The following FSIP2 variants were observed in gnomAD, a reference collection of about 807,000 sequenced individuals.
FSIP2 encodes fibrous sheath-interacting protein 2.
FSIP2 carries 367 observed loss-of-function variants against 510.5 expected under a neutral mutation model. The observed-to-expected ratio is 0.72, with a 90% CI of 0.66 to 0.78. The LOEUF (loss-of-function observed/expected upper bound fraction) is 0.78, where lower values mean the gene tolerates loss of function less well. Among genes scored for constraint, FSIP2 ranks in the 30% least tolerant of loss-of-function variants. The pLI, the probability that FSIP2 is intolerant of heterozygous loss-of-function variation, is 0.00. For missense variants in FSIP2, 7,594 were observed against 7,901.7 expected, an observed-to-expected ratio of 0.96 and a Z score of 1.48; for synonymous variants, 2,601 against 2,732.2, an observed-to-expected ratio of 0.95 and a Z score of 1.50.
chr2:185,791,764 G>T lies in FSIP2; in HGVS notation c.4628G>T (p.Arg1543Ile). ...STKIISSIVS[R>I]RVQEDNKEET... ...AAAATAATCTCCAGCATAGTTTCCA[G>T]AAGGGTTCAGGAGGACAATAAAGAA... is the stretch of plus-strand genomic sequence containing the variant. Residue 1543 changes from arginine (R) to isoleucine (I), a missense_variant, in exon 16 of 23, where the codon AGA becomes ATA. Arg to Ile is a moderately conservative substitution (Grantham distance 97, BLOSUM62 -3). Coordinates refer to ENST00000424728, the MANE Select transcript of FSIP2 (RefSeq NM_173651.4). 6.5e-7 allele frequency: 1 copy of T among 1,534,566 alleles called. No individual in the cohort carries two copies. The highest frequency in any genetic ancestry group is 2.4e-5 in the East Asian group (1 of 40,842).
intron 7 of FSIP2, among the ~76,000 whole-genome samples, chr2:185,751,066 G>A (rs1179749023): frequency 3.3e-5 from 5 of 151,252 alleles, no homozygotes; most frequent in Non-Finnish European, 7.4e-5. Context: ...ACTGTTGTTG[G>A]GTGAAGTATT....
Position 185,803,218 on chromosome 2 carries a change from G to T in FSIP2, c.13912G>T (p.Val4638Leu). 1.3e-6 allele frequency: 2 copies of T among 1,531,814 alleles called. No individual in the cohort carries two copies. Among genetic ancestry groups the T allele is most frequent in the Non-Finnish European group, 1.7e-6 (2 of 1,144,534 alleles). 94.9% of individuals were successfully genotyped at this position (1,531,814 alleles called of 1,614,324 possible). ...SGVLRKIFHR[V>L]VGIVQTKSIR... Reference sequence around the variant, plus strand: ...GGTTTTAAGAAAAATATTCCACAGGGTAGTAGGCATTGTACAAACAAAATC... The same window carrying T: ...GGTTTTAAGAAAAATATTCCACAGGTTAGTAGGCATTGTACAAACAAAATC... The change falls in exon 17 of 23, where the codon GTA becomes TTA. Residue 4638 changes from valine to leucine, a missense_variant. By Grantham distance (32) the Val-to-Leu change is conservative (BLOSUM62 1). Coordinates refer to ENST00000424728, the MANE Select transcript of FSIP2 (RefSeq NM_173651.4).
At position 185,789,939 on chromosome 2, in the gene FSIP2, C is replaced by T; in HGVS notation, c.2803C>T (p.Leu935Phe). ...IIASEETVVL[L>F]QLLEDILFQL... is the part of the protein sequence containing the mutation. ...TGCATCTGAAGAAACCGTAGTACTC[C>T]TTCAGCTACTTGAGGACATCCTTTT... Residue 935 changes from leucine to phenylalanine, a missense_variant, in exon 16 of 23, where the codon CTT becomes TTT. Leu to Phe is a conservative substitution (Grantham distance 22). Coordinates refer to ENST00000424728, the MANE Select transcript of FSIP2 (RefSeq NM_173651.4). 1 of 1,534,280 alleles carries T rather than the reference C, an allele frequency of 6.5e-7. No homozygotes were observed. Among genetic ancestry groups the T allele is most frequent in the Non-Finnish European group, 8.7e-7 (1 of 1,145,688 alleles).
intron 13 of FSIP2, among the ~76,000 whole-genome samples, chr2:185,782,457 T>A (rs1309270098): frequency 6.6e-6 from 1 of 152,098 alleles, no homozygotes; most frequent in African/African-American, 2.4e-5. Flanking sequence ...AAGTGCAAAA[T>A]ATTCTGTCTC....
rs1315998692 is a variant in FSIP2, at chr2:185,802,824, T to G, written c.13518T>G (p.Ala4506=). 6.6e-7 allele frequency: 1 copy of G among 1,520,982 alleles called. No homozygotes were observed. The allele number at this position is 1,520,982 out of a possible 1,614,324, so 94.2% of individuals were successfully genotyped here. Residue 4506 remains alanine, a synonymous_variant, in exon 17 of 23, where the codon GCT becomes GCG. Transcript: ENST00000424728. The part of the protein sequence containing the change: ...DISRVNFNDI[A]SNLVSDIRMK... ...CAAGAGTGAATTTCAATGACATTGC[T>G]TCAAACCTAGTTAGTGATATTAGGA...
At position 185,790,570 on chromosome 2, in the gene FSIP2, C is replaced by T; in HGVS notation, c.3434C>T (p.Pro1145Leu). The T allele has an allele frequency of 1.3e-6, 2 of 1,533,820 alleles. No homozygotes were observed. The highest frequency in any genetic ancestry group is 1.2e-5 in the South Asian group (1 of 83,844). ...SEASVLVSEK[P>L]QGLSHQEWID... ...GCTTCAGTTCTTGTTTCAGAAAAGC[C>T]TCAAGGACTGTCACATCAAGAATGG... The change falls in exon 16 of 23, where the codon CCT becomes CTT. Residue 1145 changes from proline (P) to leucine (L), a missense_variant. Physicochemically the swap from Pro to Leu is moderately conservative, Grantham distance 98 (BLOSUM62 -3). Transcript: ENST00000424728.
Position 185,797,217 on chromosome 2 carries a change from A to G in FSIP2, c.10081A>G (p.Ile3361Val), listed in dbSNP as rs1289831425. The G allele has an allele frequency of 1.3e-6, 2 of 1,535,126 alleles. No individual in the cohort carries two copies. Among genetic ancestry groups the G allele is most frequent in the Non-Finnish European group, 8.7e-7 (1 of 1,146,282 alleles). The change falls in exon 16 of 23, where the codon ATA becomes GTA. Residue 3361 changes from isoleucine to valine, a missense_variant. Transcript: ENST00000424728. ...CAGGGAAATAATGAAACCATTTTTCATATCAAAACAAAGCTCTTTATCTGA... is the reference window on the plus strand; with the variant it reads ...CAGGGAAATAATGAAACCATTTTTCGTATCAAAACAAAGCTCTTTATCTGA... ...ENREIMKPFF[I>V]SKQSSLSEVS...
chr2:185,755,671 G>A (rs116446685), intron 8 of FSIP2, among the ~76,000 whole-genome samples: 1 of 151,626 alleles, frequency 6.6e-6, no homozygotes, highest in African/African-American at 2.4e-5. Context: ...AGTGAATGGG[G>A]AAACAGATCA....
intron 16 of FSIP2, among the ~76,000 whole-genome samples, chr2:185,798,608 C>T (rs926013139): frequency 3.3e-5 from 5 of 151,782 alleles, no homozygotes; most frequent in African/African-American, 1.2e-4. Flanking sequence ...ATTAGCAGTC[C>T]TACCCACCTG....
intron 13 of FSIP2, among the ~76,000 whole-genome samples, chr2:185,767,390 G>T (rs1692510867): frequency 2.0e-5 from 3 of 151,954 alleles, no homozygotes; most frequent in Non-Finnish European, 4.4e-5. Context: ...ACACAATATT[G>T]TTAACTACAG....
chr2:185,766,730 C>G (rs1232065769), intron 13 of FSIP2, among the ~76,000 whole-genome samples: 8 of 149,564 alleles, frequency 5.3e-5, no homozygotes, highest in African/African-American at 2.0e-4. Flanking sequence ...GGACTGTAAA[C>G]TAGTTCAACC....
Position 185,789,499 on chromosome 2 carries a change from C to T in FSIP2, c.2363C>T (p.Pro788Leu). ...CAAGATTTGTCAGTCGACATTAAAC[C>T]AAGTTTAGCAGCCAGTGATGAACTT... Reference protein sequence around the residue: ...FSQDLSVDIKPSLAASDELLT... With the variant: ...FSQDLSVDIKLSLAASDELLT... The change falls in exon 16 of 23, where the codon CCA (proline) becomes CTA (leucine). Residue 788 changes from proline (P) to leucine (L), a missense_variant. Physicochemically the swap from Pro to Leu is moderately conservative, Grantham distance 98. Coordinates refer to ENST00000424728, the MANE Select transcript of FSIP2 (RefSeq NM_173651.4). 2 of 1,534,572 alleles carry T rather than the reference C, an allele frequency of 1.3e-6. No individual in the cohort carries two copies. The highest frequency in any genetic ancestry group is 1.7e-6 in the Non-Finnish European group (2 of 1,145,852).
intron 19 of FSIP2, among the ~76,000 whole-genome samples, chr2:185,815,823 G>T (rs775954227): frequency 2.9e-4 from 44 of 152,112 alleles, no homozygotes; most frequent in Middle Eastern, 6.8e-3. Context: ...TTCATGCTTA[G>T]CTCTCTTAAG....
At chr2:185,754,086 C>T (rs896067933) in intron 8 of FSIP2, among the ~76,000 whole-genome samples, 2 of 151,306 alleles carry the variant, frequency 1.3e-5, no homozygotes, top group African/African-American at 2.4e-5. Context: ...TTGTAACCAA[C>T]CTCCCTATAT....
Position 185,792,571 on chromosome 2 carries a change from A to G in FSIP2, c.5435A>G (p.His1812Arg), listed in dbSNP as rs1559027264. The G allele has an allele frequency of 2.0e-6, 3 of 1,533,784 alleles. No homozygotes were observed. The highest frequency in any genetic ancestry group is 1.7e-6 in the Non-Finnish European group (2 of 1,145,272). The change falls in exon 16 of 23, where the codon CAC (histidine) becomes CGC (arginine). Residue 1812 changes from histidine to arginine, a missense_variant. His to Arg is a conservative substitution (Grantham distance 29). Coordinates refer to ENST00000424728, the MANE Select transcript of FSIP2 (RefSeq NM_173651.4). ...CACTCTAATTTTAATGGCATGCCTC[A>G]CAATGTTGATGAGCCAACTCCCCAA... ...LSHSNFNGMP[H>R]NVDEPTPQTS... is the part of the protein sequence containing the mutation.
intron 19 of FSIP2, among the ~76,000 whole-genome samples, chr2:185,817,883 A>G (rs1348650183): frequency 6.6e-6 from 1 of 151,992 alleles, no homozygotes; most frequent in African/African-American, 2.4e-5. Flanking sequence ...TAACAGAAAA[A>G]TTATAAAAAA....
chr2:185,802,319 T>C lies in FSIP2; in HGVS notation c.13013T>C (p.Ile4338Thr). ...EIELKNMTQR[I>T]VNSINRHFNK... ...GAGTTGAAAAACATGACCCAAAGAA[T>C]AGTAAACTCCATAAATAGGCATTTC... The change falls in exon 17 of 23, where the codon ATA (isoleucine) becomes ACA (threonine). Residue 4338 changes from isoleucine (I) to threonine (T), a missense_variant. By Grantham distance (89) the Ile-to-Thr change is moderately conservative. Transcript: ENST00000424728. 1 of 1,533,832 alleles carries C rather than the reference T, an allele frequency of 6.5e-7. No homozygotes were observed. The highest frequency in any genetic ancestry group is 8.7e-7 in the Non-Finnish European group (1 of 1,145,380).
rs373768464 is a variant in FSIP2, at chr2:185,764,863, G to T, written c.1411+298G>T. 11 of 237,004 alleles carry T rather than the reference G, an allele frequency of 4.6e-5. No homozygotes were observed. In the South Asian group the frequency reaches 5.1e-4, roughly 11 times the overall value. The allele number at this position is 237,004 out of a possible 1,614,324, so 14.7% of individuals were successfully genotyped here. A position where few individuals can be genotyped will look rare whatever the true frequency, so the allele number is the denominator to read the frequency against. On this transcript the variant is annotated intron_variant, in intron 13 of 22. Coordinates refer to ENST00000424728, the MANE Select transcript of FSIP2 (RefSeq NM_173651.4). ...CCTTTATAATTTAGAAAGAGACTGC[G>T]TTGAGACATGAAGGATCAGAAGGAA... is the stretch of plus-strand genomic sequence containing the variant.
chr2:185,829,100 G>A (rs1249410889), intron 21 of FSIP2, among the ~76,000 whole-genome samples: 1 of 151,864 alleles, frequency 6.6e-6, no homozygotes, highest in Non-Finnish European at 1.5e-5. Context: ...TATGGCAACA[G>A]AAGGGAAATG....
Sources: gnomAD v4.1 joint callset for allele counts (sites outside exome capture counted in the v4.1 genomes callset) on GRCh38, gnomAD v4.1.1 for gene constraint, MANE v1.5 for transcripts, NCBI Gene and HGNC (gene_info 2026-07-23, HGNC 2026-07-21) for gene names.